The following DNAJB6 variants were observed in gnomAD, a reference collection of about 807,000 sequenced individuals.
DNAJB6 encodes the protein dnaJ homolog subfamily B member 6.
Under a neutral mutation model 42.7 loss-of-function variants are expected in DNAJB6, and 16 were observed. The observed-to-expected ratio is 0.37, with a 90% CI of 0.25 to 0.57. DNAJB6 has a LOEUF of 0.57. Among genes scored for constraint, DNAJB6 ranks in the 20% least tolerant of loss-of-function variants. The pLI, the probability that DNAJB6 is intolerant of heterozygous loss-of-function variation, is 0.74. For missense variants in DNAJB6, 347 were observed against 416.8 expected (o/e 0.83, Z 1.46); for synonymous variants, 170 against 163.5 (o/e 1.04, Z -0.30).
chr7:157,340,521 T>A (rs1399417242), intron 1 of DNAJB6, among the ~76,000 whole-genome samples: 1 of 149,702 alleles, frequency 6.7e-6, no homozygotes, highest in Non-Finnish European at 1.5e-5. Context: ...AAAAGTCAAC[T>A]AGTAAAAATG....
chr7:157,337,877 G>C (rs916462658), intron 1 of DNAJB6: 1 of 152,088 alleles, frequency 6.6e-6, no homozygotes, highest in African/African-American at 2.4e-5. Flanking sequence ...TGGCACTAGC[G>C]AATTTTTTAA....
Position 157,369,638 on chromosome 7 carries a change from T to C in DNAJB6, c.346+2155T>C, listed in dbSNP as rs114417672. 7.9e-3 allele frequency among the ~76,000 whole-genome samples: 1,049 copies of C among 132,180 alleles called. 41 individuals carry two copies. Among genetic ancestry groups the C allele is most frequent in the African/African-American group, 0.034 (959 of 27,960 alleles). The allele number at this position is 132,180 out of a possible 152,430, so 86.7% of individuals were successfully genotyped here. ...CTTAACATTGTTATTAAAGAGGCCC[T>C]TTCTTCACATTATTATTAAACAGGC... On this transcript the variant is annotated intron_variant, in intron 5 of 9. Transcript: ENST00000262177.
intron 2 of DNAJB6, among the ~76,000 whole-genome samples, chr7:157,360,816 T>C (rs1434499510): frequency 6.6e-6 from 1 of 152,222 alleles, no homozygotes; most frequent in Non-Finnish European, 1.5e-5. Context: ...AGACTCTTCC[T>C]GGGTTTGAGT....
chr7:157,362,185 A>G (rs766430297), intron 2 of DNAJB6, among the ~76,000 whole-genome samples: 1 of 152,126 alleles, frequency 6.6e-6, no homozygotes, highest in Non-Finnish European at 1.5e-5. Flanking sequence ...TAGATCTTGA[A>G]TCTGGCACAG....
chr7:157,386,374 T>C (rs1020997462), intron 8 of DNAJB6: 1 of 943,440 alleles, frequency 1.1e-6, no homozygotes, highest in African/African-American at 1.8e-5. Context: ...AGTGTCACTT[T>C]AATAGCGTTT....
chr7:157,387,359 T>A (rs924627346), intron 8 of DNAJB6, among the ~76,000 whole-genome samples: 1 of 152,182 alleles, frequency 6.6e-6, no homozygotes, highest in Non-Finnish European at 1.5e-5. Context: ...CCATGGCACG[T>A]GCGGGAAAGC....
At chr7:157,337,697 C>G (rs1798119276) in intron 1 of DNAJB6, 1 of 152,280 alleles carries the variant, frequency 6.6e-6, no homozygotes, top group South Asian at 2.1e-4. Flanking sequence ...GAAGAGCAGG[C>G]TGCCTTTCTC....
rs763596817 is a variant in DNAJB6 at position 157,363,209 on chromosome 7, T to C, written c.114T>C (p.Asn38=). The C allele has an allele frequency of 3.4e-5, 55 of 1,611,894 alleles. 1 individual carries two copies. The Middle Eastern group carries it at 8.3e-4, about 24-fold the overall frequency. The part of the protein sequence containing the change: ...LKWHPDKNPE[N]KEEAERKFKQ... ...GGCATCCAGATAAAAATCCTGAGAA[T>C]AAAGAAGAAGCAGAGAGAAAATTCA... is the stretch of plus-strand genomic sequence containing the variant. Residue 38 remains asparagine (N), a synonymous_variant, in exon 3 of 10, where the codon AAT becomes AAC. Transcript: ENST00000262177.
chr7:157,358,440 A>AG (rs202191334), intron 1 of DNAJB6, 107 bp from the exon 2 acceptor site: 24,754 of 671,534 alleles, frequency 0.037, 637 homozygotes, highest in Non-Finnish European at 0.05. Flanking sequence ...GTAGGCCAGT[A>AG]GGTGCTAAGG....
intron 8 of DNAJB6, among the ~76,000 whole-genome samples, chr7:157,400,859 A>G (rs1801827853): frequency 6.6e-6 from 1 of 152,208 alleles, no homozygotes; most frequent in Non-Finnish European, 1.5e-5. Context: ...TGTGGAAGGC[A>G]GGTGTGCTGG....
intron 8 of DNAJB6, among the ~76,000 whole-genome samples, chr7:157,395,684 CT>C (rs869242320): frequency 0.028 from 3,654 of 131,816 alleles, 58 homozygotes; most frequent in African/African-American, 0.07. Flanking sequence ...TTTTTCTTTT[CT>C]TTTTTTTTTT....
chr7:157,340,084 A>G (rs1227441651), intron 1 of DNAJB6: 1 of 152,232 alleles, frequency 6.6e-6, no homozygotes, highest in Non-Finnish European at 1.5e-5. Flanking sequence ...GTTAATGCTT[A>G]CAGATATCTG....
In DNAJB6 at chr7:157,337,405, C is replaced by G. The variant is rs574356299; in HGVS notation, c.-27+261C>G. ...GCGTCCTCCCCGCCCGGCGTCCTTG[C>G]CGGAACGCGGCCCAGCCTCCGCGGC... On this transcript the variant is annotated intron_variant, in intron 1 of 9. Coordinates refer to ENST00000262177, the MANE Select transcript of DNAJB6 (RefSeq NM_058246.4). The G allele has an allele frequency of 2.0e-5, 3 of 152,250 alleles. No homozygotes were observed. The East Asian group carries it at 5.8e-4, about 29-fold the overall frequency. The allele number at this position is 152,250 out of a possible 1,614,324, so 9.4% of individuals were successfully genotyped here.
At chr7:157,351,270 ATAG>A (rs1429452658) in intron 1 of DNAJB6, among the ~76,000 whole-genome samples, 2 of 152,124 alleles carry the variant, frequency 1.3e-5, no homozygotes, top group Admixed American at 6.6e-5. Flanking sequence ...TTAAAGGTCA[ATAG>A]TAGTTGGAAG....
chr7:157,378,640 G>A (rs1449823932), intron 5 of DNAJB6: 1 of 152,218 alleles, frequency 6.6e-6, no homozygotes, highest in Admixed American at 6.5e-5. Context: ...CCTGTGCATG[G>A]TTACGCACGC....
At chr7:157,401,377 C>T (rs62494683) in intron 8 of DNAJB6, among the ~76,000 whole-genome samples, 412 of 152,138 alleles carry the variant, frequency 2.7e-3, no homozygotes, top group Middle Eastern at 6.8e-3. Flanking sequence ...CACCACACCC[C>T]GCTAATTTTG....
intron 1 of DNAJB6, among the ~76,000 whole-genome samples, chr7:157,342,033 ATTG>A (rs772695780): frequency 1.3e-5 from 2 of 151,724 alleles, no homozygotes; most frequent in Non-Finnish European, 2.9e-5. Flanking sequence ...CACCTGGCTA[ATTG>A]TTGTATATTT....
chr7:157,415,334 C>A (rs975212837), intron 9 of DNAJB6: 5 of 152,302 alleles, frequency 3.3e-5, no homozygotes, highest in African/African-American at 1.2e-4. Flanking sequence ...TCAGCTGGAT[C>A]AGTCAGTGTC....
intron 8 of DNAJB6, among the ~76,000 whole-genome samples, chr7:157,389,720 G>A (rs1801249511): frequency 6.6e-6 from 1 of 152,228 alleles, no homozygotes; most frequent in Non-Finnish European, 1.5e-5. Context: ...AAGGTGAAAA[G>A]AGGGAATGTC....
Sources: allele counts gnomAD v4.1 joint callset (sites outside exome capture counted in the v4.1 genomes callset), GRCh38; gene constraint gnomAD v4.1.1; transcripts MANE v1.5; gene names NCBI Gene and HGNC (gene_info 2026-07-23, HGNC 2026-07-21).